Variants in METTL15 observed in about 807,000 individuals in gnomAD.
METTL15 encodes 12S rRNA N(4)-cytidine methyltransferase METTL15.
Under a neutral mutation model 38.3 loss-of-function variants are expected in METTL15, and 34 were observed. That is an observed-to-expected ratio of 0.89 (90% CI 0.68 to 1.18). The LOEUF (loss-of-function observed/expected upper bound fraction) is 1.18, where lower values mean the gene tolerates loss of function less well. METTL15 is among the 50% of genes most tolerant of loss of function. The pLI, the probability that METTL15 is intolerant of heterozygous loss-of-function variation, is 0.00. For synonymous variants in METTL15, 162 were observed against 170.9 expected (o/e 0.95, Z 0.41); for missense variants, 438 against 498.4 (o/e 0.88, Z 1.15).
intron 6 of METTL15, among the ~76,000 whole-genome samples, chr11:28,497,772 A>G (rs1036276242): frequency 1.3e-5 from 2 of 152,138 alleles, no homozygotes; most frequent in Admixed American, 6.5e-5. Context: ...TTATAGGGGT[A>G]TTAAGGCTGG....
At chr11:28,429,556 G>A (rs1435583648) in intron 6 of METTL15, among the ~76,000 whole-genome samples, 2 of 100,156 alleles carry the variant, frequency 2.0e-5, no homozygotes, top group African/African-American at 7.8e-5. Flanking sequence ...ACGGGGTTTC[G>A]CTGTGTTGGC....
At chr11:28,374,178 G>A (rs1488513580) in intron 5 of METTL15, among the ~76,000 whole-genome samples, 1 of 152,130 alleles carries the variant, frequency 6.6e-6, no homozygotes, top group Non-Finnish European at 1.5e-5. Context: ...TGAACTTAAA[G>A]TAGTTTTTTC....
At chr11:28,366,295 G>C (rs1850184860) in intron 5 of METTL15, among the ~76,000 whole-genome samples, 1 of 152,110 alleles carries the variant, frequency 6.6e-6, no homozygotes, top group South Asian at 2.1e-4. Context: ...TGGCAGAAGA[G>C]CTTGTGGATG....
intron 5 of METTL15, among the ~76,000 whole-genome samples, chr11:28,370,929 C>T (rs940091007): frequency 3.9e-5 from 6 of 151,920 alleles, no homozygotes; most frequent in Admixed American, 1.3e-4. Flanking sequence ...GTTGTTTGAG[C>T]TCCTTATGTA....
At chr11:28,424,161 CATA>C (rs892383478) in intron 5 of METTL15, 1 of 152,124 alleles carries the variant, frequency 6.6e-6, no homozygotes, top group Non-Finnish European at 1.5e-5. Context: ...TTTTTATAGA[CATA>C]ATGACTGAAA....
intron 3 of METTL15, chr11:28,145,729 A>G (rs181949179): frequency 6.6e-6 from 1 of 152,248 alleles, no homozygotes; most frequent in Admixed American, 6.5e-5. Flanking sequence ...GTGATTTAAT[A>G]AACTGAGTTA....
chr11:28,200,458 A>G (rs1852068312), intron 3 of METTL15, among the ~76,000 whole-genome samples: 1 of 152,180 alleles, frequency 6.6e-6, no homozygotes, highest in Non-Finnish European at 1.5e-5. Flanking sequence ...TAAATGTAAC[A>G]TACATAGTCG....
chr11:28,269,901 A>C (rs993535229), intron 4 of METTL15, among the ~76,000 whole-genome samples: 2 of 152,226 alleles, frequency 1.3e-5, no homozygotes. Flanking sequence ...CACCATTTGG[A>C]ATTAAGCAGA....
chr11:28,239,317 G>A (rs906407980), intron 4 of METTL15, among the ~76,000 whole-genome samples: 29 of 152,264 alleles, frequency 1.9e-4, no homozygotes, highest in African/African-American at 6.7e-4. Flanking sequence ...TATTTGCTCA[G>A]GCAAAATAAA....
intron 6 of METTL15, chr11:28,328,039 C>A: frequency 5.2e-6 from 8 of 1,549,918 alleles, no homozygotes; most frequent in Non-Finnish European, 6.2e-6. Context: ...TTTATGTGCT[C>A]CATGAATGTT....
At chr11:28,476,509 T>C (rs867586962) in intron 6 of METTL15, among the ~76,000 whole-genome samples, 13 of 152,210 alleles carry the variant, frequency 8.5e-5, no homozygotes, top group Admixed American at 2.0e-4. Context: ...CAATTTCCAT[T>C]GGTCTGAATT....
chr11:28,350,762 G>A (rs961885668), intron 3 of METTL15, among the ~76,000 whole-genome samples: 1 of 152,166 alleles, frequency 6.6e-6, no homozygotes, highest in Non-Finnish European at 1.5e-5. Flanking sequence ...GACTGTCTGA[G>A]CACTATAAGA....
At chr11:28,315,932 G>T (rs1460404069) in intron 6 of METTL15, among the ~76,000 whole-genome samples, 1 of 152,246 alleles carries the variant, frequency 6.6e-6, no homozygotes, top group Non-Finnish European at 1.5e-5. Flanking sequence ...TTCAGAAGAT[G>T]TATGGAAACA....
intron 6 of METTL15, among the ~76,000 whole-genome samples, chr11:28,319,435 T>A (rs144392675): frequency 1.3e-5 from 2 of 151,752 alleles, no homozygotes; most frequent in African/African-American, 2.4e-5. Context: ...AATACACACA[T>A]ATATATAATA....
chr11:28,129,444 C>T (rs1852658151), intron 3 of METTL15, among the ~76,000 whole-genome samples: 1 of 149,326 alleles, frequency 6.7e-6, no homozygotes, highest in Admixed American at 6.7e-5. Context: ...GAGTCTTGCT[C>T]TCTTGCCTAG....
chr11:28,495,458 G>A (rs1226384800), intron 6 of METTL15, among the ~76,000 whole-genome samples: 1 of 152,164 alleles, frequency 6.6e-6, no homozygotes, highest in Non-Finnish European at 1.5e-5. Context: ...AAGATGCTGA[G>A]CATGCTTGTA....
chr11:28,163,541 CTCTCTCTCTCTG>C (rs1850546963), intron 3 of METTL15: 1 of 397,416 alleles, frequency 2.5e-6, no homozygotes, highest in African/African-American at 2.1e-5. Context: ...CTCTCTCTCT[CTCTCTCTCTCTG>C]TGTGTGTGTG....
intron 6 of METTL15, among the ~76,000 whole-genome samples, chr11:28,306,209 C>A (rs964116828): frequency 6.6e-6 from 1 of 152,018 alleles, no homozygotes; most frequent in African/African-American, 2.4e-5. Context: ...CCTCATTGCT[C>A]CATTTCTTGT....
intron 3 of METTL15, among the ~76,000 whole-genome samples, chr11:28,209,226 A>G (rs375312530): frequency 1.4e-4 from 22 of 152,082 alleles, no homozygotes; most frequent in Non-Finnish European, 2.2e-4. Context: ...AAATTGTTTT[A>G]TTTAATCTAC....
Sources: allele counts gnomAD v4.1 joint callset (sites outside exome capture counted in the v4.1 genomes callset), GRCh38; gene constraint gnomAD v4.1.1; transcripts MANE v1.5; gene names NCBI Gene and HGNC (gene_info 2026-07-23, HGNC 2026-07-21).